Variants in RFX2 observed in about 807,000 individuals in gnomAD.
RFX2 encodes regulatory factor X2.
A neutral mutation model predicts 87.8 loss-of-function variants in RFX2; 20 were observed. The observed-to-expected ratio is 0.23, with a 90% CI of 0.16 to 0.33. RFX2 has a LOEUF of 0.33. Among genes scored for constraint, RFX2 ranks in the 10% least tolerant of loss-of-function variants. The pLI is 1.00. For synonymous variants in RFX2, 397 were observed against 431.3 expected, an observed-to-expected ratio of 0.92 and a Z score of 0.98; for missense variants, 767 against 1,012.3, an observed-to-expected ratio of 0.76 and a Z score of 3.29.
At chr19:6,095,176 C>T (rs141218510) in intron 1 of RFX2, among the ~76,000 whole-genome samples, 2 of 152,250 alleles carry the variant, frequency 1.3e-5, no homozygotes, top group Admixed American at 1.3e-4. Context: ...AAATTTCACA[C>T]GTGGCTTGTG....
chr19:6,082,778 T>C (rs974165050), intron 1 of RFX2, among the ~76,000 whole-genome samples: 5 of 152,164 alleles, frequency 3.3e-5, no homozygotes, highest in African/African-American at 4.8e-5. Flanking sequence ...CAGGTCTCTG[T>C]TGAGACTACT....
chr19:6,059,734 C>T (rs1421087640), intron 1 of RFX2, among the ~76,000 whole-genome samples: 1 of 151,592 alleles, frequency 6.6e-6, no homozygotes, highest in Non-Finnish European at 1.5e-5. Context: ...TACACATATA[C>T]ACAAACACAC....
In RFX2 at chr19:6,045,813, A is replaced by T. The variant is rs1368243150; in HGVS notation, c.91-1531T>A. On this transcript the variant is annotated intron_variant, in intron 2 of 17. Transcript: ENST00000303657. The surrounding 1 kb of genome is among the most constrained non-coding windows in gnomAD (Gnocchi z 5.2). Reference sequence around the variant, plus strand: ...CAGCTTCCCGAGTAGCTGGGATTACAAGCATGTGCCACAATGCTCGGCTAA... The same window carrying T: ...CAGCTTCCCGAGTAGCTGGGATTACTAGCATGTGCCACAATGCTCGGCTAA... Among the ~76,000 whole-genome samples, 2 of 152,064 alleles carry T rather than the reference A, an allele frequency of 1.3e-5. No individual in the cohort carries two copies. Among genetic ancestry groups the T allele is most frequent in the Non-Finnish European group, 2.9e-5 (2 of 68,020 alleles).
At position 6,023,378 on chromosome 19, in the gene RFX2, A is replaced by G. The variant is rs2086845497; in HGVS notation, c.597+2785T>C. Among the ~76,000 whole-genome samples, 1 of 152,244 alleles carries G rather than the reference A, an allele frequency of 6.6e-6. No individual in the cohort carries two copies. The highest frequency in any genetic ancestry group is 2.1e-4 in the South Asian group (1 of 4,826). On this transcript the variant is annotated intron_variant, in intron 6 of 17. Coordinates refer to ENST00000303657, the MANE Select transcript of RFX2 (RefSeq NM_000635.4). The surrounding 1 kb of genome is among the most constrained non-coding windows in gnomAD (Gnocchi z 4.9). ...CACGACCTCAGTCTCAGCCACAGGCAGCCCTGGGGACAATCGTTGCAAGGG... is the reference window on the plus strand; with the variant it reads ...CACGACCTCAGTCTCAGCCACAGGCGGCCCTGGGGACAATCGTTGCAAGGG...
At chr19:6,046,968 G>A (rs114886630) in intron 2 of RFX2, among the ~76,000 whole-genome samples, 2,946 of 147,666 alleles carry the variant, frequency 0.02, 95 homozygotes, top group African/African-American at 0.069. Context: ...GTCTGGCTAT[G>A]TTGCCTAGGT....
intron 5 of RFX2, among the ~76,000 whole-genome samples, chr19:6,031,613 C>G (rs1330485393): frequency 6.6e-6 from 1 of 151,330 alleles, no homozygotes; most frequent in Non-Finnish European, 1.5e-5. Context: ...TATTTTTAGT[C>G]GAGGTGGGGT....
chr19:6,039,107 T>A lies in RFX2; in HGVS notation c.522+873A>T, dbSNP rs772088996. Among the ~76,000 whole-genome samples the A allele has an allele frequency of 2.0e-5, 3 of 152,244 alleles. No homozygotes were observed. The highest frequency in any genetic ancestry group is 2.9e-5 in the Non-Finnish European group (2 of 68,036). ...TAGTGAATGAATAAACAAACTGTAG[T>A]GTAATAGAATATTACTCAGTAACAA... is the stretch of plus-strand genomic sequence containing the variant. On this transcript the variant is annotated intron_variant, in intron 5 of 17. Transcript: ENST00000303657. The surrounding 1 kb of genome is among the most constrained non-coding windows in gnomAD (Gnocchi z 5.2).
rs769883614 is a variant in RFX2 at position 6,019,125 on chromosome 19, C to T, written c.598-2854G>A. On this transcript the variant is annotated intron_variant, in intron 6 of 17. Coordinates refer to ENST00000303657, the MANE Select transcript of RFX2 (RefSeq NM_000635.4). ...GTTAGCAGGTGCCAATTTCATCCGT[C>T]CAGCATTGGGTGCCATGTGCTTGGC... Among the ~76,000 whole-genome samples the T allele has an allele frequency of 7.9e-5, 12 of 152,206 alleles. No individual in the cohort carries two copies. The South Asian group carries it at 1.0e-3, about 13-fold the overall frequency.
intron 6 of RFX2, among the ~76,000 whole-genome samples, chr19:6,019,120 T>C (rs563599820): frequency 1.3e-5 from 2 of 151,988 alleles, no homozygotes; most frequent in Admixed American, 1.3e-4. Context: ...GCCAATTTCA[T>C]CCGTCCAGCA....
Position 6,023,528 on chromosome 19 carries a change from T to C in RFX2, c.597+2635A>G, listed in dbSNP as rs754910766. Among the ~76,000 whole-genome samples the C allele has an allele frequency of 8.5e-5, 13 of 152,238 alleles. No homozygotes were observed. The highest frequency in any genetic ancestry group is 1.9e-4 in the Non-Finnish European group (13 of 68,044). Reference sequence around the variant, plus strand: ...GTGTGTGGTGAACTTTTTAGAAAGATCTTATTTTACTTCCTTTGCTTCGAG... The same window carrying C: ...GTGTGTGGTGAACTTTTTAGAAAGACCTTATTTTACTTCCTTTGCTTCGAG... On this transcript the variant is annotated intron_variant, in intron 6 of 17. Coordinates refer to ENST00000303657, the MANE Select transcript of RFX2 (RefSeq NM_000635.4). This position sits in a 1 kb window ranked among gnomAD's most constrained non-coding sequence, Gnocchi z 4.9.
rs1225556193 is a variant in RFX2 at position 6,064,145 on chromosome 19, G to T, written c.-8-16641C>A. Among the ~76,000 whole-genome samples the T allele has an allele frequency of 6.6e-6, 1 of 152,168 alleles. No individual in the cohort carries two copies. The highest frequency in any genetic ancestry group is 2.1e-4 in the South Asian group (1 of 4,828). ...CATTGCCTGCAAAGATGCTCAAGAC[G>T]TGTTTTGCAATGAACAAGAGAATGA... On this transcript the variant is annotated intron_variant, in intron 1 of 17. Coordinates refer to ENST00000303657, the MANE Select transcript of RFX2 (RefSeq NM_000635.4). This position sits in a 1 kb window ranked among gnomAD's most constrained non-coding sequence, Gnocchi z 4.8.
At position 6,004,984 on chromosome 19, in the gene RFX2, C is replaced by T. The variant is rs752973383; in HGVS notation, c.1403-686G>A. 9.9e-5 allele frequency among the ~76,000 whole-genome samples: 15 copies of T among 151,840 alleles called. No individual in the cohort carries two copies. The highest frequency in any genetic ancestry group is 2.1e-4 in the South Asian group (1 of 4,802). On this transcript the variant is annotated intron_variant, in intron 12 of 17. Transcript: ENST00000303657. This position sits in a 1 kb window ranked among gnomAD's most constrained non-coding sequence, Gnocchi z 4.8. ...AAATACAAAAATGATCTGGACGTGG[C>T]GGTGGGTGCCTGTAGTCCCAGCTAT...
Position 6,026,371 on chromosome 19 carries a change from T to G in RFX2, c.523-134A>C. On this transcript the variant is annotated intron_variant, in intron 5 of 17. Transcript: ENST00000303657. The surrounding 1 kb of genome is among the most constrained non-coding windows in gnomAD (Gnocchi z 4.5). Reference sequence around the variant, plus strand: ...GATTCGAGCTCCTACAAAATAAAAATGAGGCTCCACGCAGGCAGGGCGGGG... The same window carrying G: ...GATTCGAGCTCCTACAAAATAAAAAGGAGGCTCCACGCAGGCAGGGCGGGG... 2.6e-6 allele frequency: 2 copies of G among 770,126 alleles called. No individual in the cohort carries two copies. Among genetic ancestry groups the G allele is most frequent in the Non-Finnish European group, 4.2e-6 (2 of 474,002 alleles). 47.7% of individuals were successfully genotyped at this position (770,126 alleles called of 1,614,324 possible).
At chr19:5,996,068 A>AGTTTCTGTACAC (rs2086402011) in intron 16 of RFX2, among the ~76,000 whole-genome samples, 1 of 152,198 alleles carries the variant, frequency 6.6e-6, no homozygotes, top group South Asian at 2.1e-4. Flanking sequence ...CGGCTTCCAC[A>AGTTTCTGTACAC]GTTTCTGTAC....
At position 6,016,341 on chromosome 19, in the gene RFX2, T is replaced by G. The variant is rs1004993517; in HGVS notation, c.598-70A>C. On this transcript the variant is annotated intron_variant, in intron 6 of 17. Transcript: ENST00000303657. The surrounding 1 kb of genome is among the most constrained non-coding windows in gnomAD (Gnocchi z 5.4). ...ACGCTAACATGCCAACGTGGACTCA[T>G]TAAGAGAATTACTTGCGTTCCCTGT... 6.7e-5 allele frequency: 74 copies of G among 1,101,982 alleles called. No homozygotes were observed. The highest frequency in any genetic ancestry group is 9.3e-5 in the Non-Finnish European group (72 of 775,070). The allele number at this position is 1,101,982 out of a possible 1,614,324, so 68.3% of individuals were successfully genotyped here.
Position 6,006,827 on chromosome 19 carries a change from A to G in RFX2, c.1402+185T>C, listed in dbSNP as rs76728916. 4.5e-3 allele frequency among the ~76,000 whole-genome samples: 675 copies of G among 151,114 alleles called. 7 individuals are homozygous for G. The East Asian group carries it at 0.073, about 16-fold the overall frequency. On this transcript the variant is annotated intron_variant, in intron 12 of 17. Transcript: ENST00000303657. ...AGGCTGGTCTCAAACTCCTGGGCTC[A>G]GCGATTTGTCTGCCTCAGCCTCCCA...
intron 1 of RFX2, among the ~76,000 whole-genome samples, chr19:6,069,793 C>A (rs1016725340): frequency 4.6e-5 from 7 of 152,124 alleles, no homozygotes; most frequent in Admixed American, 6.5e-5. Context: ...TGGAGCAGAA[C>A]TGGAGACAGG....
At chr19:6,003,674 G>A (rs1233748231) in intron 13 of RFX2, among the ~76,000 whole-genome samples, 1 of 151,000 alleles carries the variant, frequency 6.6e-6, no homozygotes, top group African/African-American at 2.4e-5. Flanking sequence ...AGCTATTCGG[G>A]AGGCTGAGGC....
rs1351812829 is a variant in RFX2 at position 6,007,402 on chromosome 19, C to T, written c.1248-236G>A. On this transcript the variant is annotated intron_variant, in intron 11 of 17. Coordinates refer to ENST00000303657, the MANE Select transcript of RFX2 (RefSeq NM_000635.4). The surrounding 1 kb of genome is among the most constrained non-coding windows in gnomAD (Gnocchi z 8.2). ...CCTCCCCTGCCAGTGGTCATACTGT[C>T]ATACTGCGTCTCACTGCAGCTATGG... Among the ~76,000 whole-genome samples, 1 of 152,176 alleles carries T rather than the reference C, an allele frequency of 6.6e-6. No homozygotes were observed.
Sources: gnomAD v4.1 joint callset for allele counts (sites outside exome capture counted in the v4.1 genomes callset) on GRCh38, gnomAD v4.1.1 for gene constraint, Gnocchi (gnomAD v3.1) non-coding constraint, MANE v1.5 for transcripts, NCBI Gene and HGNC (gene_info 2026-07-23, HGNC 2026-07-21) for gene names.